The following OXCT1 variants were observed in gnomAD, a reference collection of about 807,000 sequenced individuals.
OXCT1 encodes the protein 3-oxoacid CoA-transferase 1.
A neutral mutation model predicts 69.6 loss-of-function variants in OXCT1; 27 were observed. The ratio of observed to expected loss-of-function variants is 0.39; its 90% CI spans 0.29 to 0.54. The LOEUF (loss-of-function observed/expected upper bound fraction) is 0.54. Among genes scored for constraint, OXCT1 ranks in the 20% least tolerant of loss-of-function variants. The pLI, the probability that OXCT1 is intolerant of heterozygous loss-of-function variation, is 0.72. For synonymous variants in OXCT1, 202 were observed against 217.8 expected, an observed-to-expected ratio of 0.93 and a Z score of 0.64; for missense variants, 437 against 650.2, an observed-to-expected ratio of 0.67 and a Z score of 3.57.
intron 13 of OXCT1, among the ~76,000 whole-genome samples, chr5:41,775,547 C>T (rs1339790780): frequency 2.0e-5 from 3 of 152,118 alleles, no homozygotes; most frequent in East Asian, 1.9e-4. Flanking sequence ...AGAATCCTGT[C>T]GTTCAGGGGT....
chr5:41,739,453 C>G lies in OXCT1; in HGVS notation c.1458G>C (p.Leu486=). The stretch of plus-strand genomic sequence containing the variant: ...CTGTCAGGCCTTCCCAGAGCTCAAT[C>G]AGAGTCAACCCTTTCTTCTTGTCCA... ...FDVDKKKGLT[L]IELWEGLTVD... Residue 486 remains leucine (L), a synonymous_variant, in exon 16 of 17, where the codon CTG becomes CTC. Coordinates refer to ENST00000196371, the MANE Select transcript of OXCT1 (RefSeq NM_000436.4). 6.2e-7 allele frequency: 1 copy of G among 1,613,912 alleles called. No individual in the cohort carries two copies. The highest frequency in any genetic ancestry group is 8.5e-7 in the Non-Finnish European group (1 of 1,179,768).
At chr5:41,743,485 T>G (rs1364881571) in intron 15 of OXCT1, among the ~76,000 whole-genome samples, 4 of 152,234 alleles carry the variant, frequency 2.6e-5, no homozygotes, top group African/African-American at 9.6e-5. Context: ...TTAGTTTAAT[T>G]AGATCCCATT....
At chr5:41,764,888 G>GAGCAGTATCTTTTAATAGCATTTCT (rs1319857460) in intron 13 of OXCT1, among the ~76,000 whole-genome samples, 1 of 152,158 alleles carries the variant, frequency 6.6e-6, no homozygotes, top group Non-Finnish European at 1.5e-5. Context: ...TGAAAGATAA[G>GAGCAGTATCTTTTAATAGCATTTCT]AGCAGTATCT....
intron 13 of OXCT1, among the ~76,000 whole-genome samples, chr5:41,785,784 AG>A (rs1294424937): frequency 2.0e-5 from 3 of 152,188 alleles, no homozygotes; most frequent in African/African-American, 7.2e-5. Flanking sequence ...GGAATAGCAA[AG>A]GTTTTGTATG....
At chr5:41,778,530 G>A (rs984046837) in intron 13 of OXCT1, among the ~76,000 whole-genome samples, 9 of 152,134 alleles carry the variant, frequency 5.9e-5, no homozygotes, top group African/African-American at 2.2e-4. Context: ...ATGACTCTAG[G>A]GTTTAAGGAT....
At chr5:41,864,377 C>T (rs1749869745) in intron 1 of OXCT1, among the ~76,000 whole-genome samples, 1 of 152,112 alleles carries the variant, frequency 6.6e-6, no homozygotes, top group Admixed American at 6.6e-5. Context: ...TCTTTTCTTC[C>T]CCTAAAAATA....
chr5:41,812,684 C>T (rs1220007464), intron 7 of OXCT1, among the ~76,000 whole-genome samples: 1 of 151,810 alleles, frequency 6.6e-6, no homozygotes, highest in Admixed American at 6.6e-5. Flanking sequence ...GGGCAGAAGA[C>T]AGGAAAAAAC....
At chr5:41,835,267 G>A (rs1009565277) in intron 7 of OXCT1, among the ~76,000 whole-genome samples, 1 of 152,090 alleles carries the variant, frequency 6.6e-6, no homozygotes, top group Non-Finnish European at 1.5e-5. Context: ...TATCAAGATT[G>A]AACCAGAAAG....
intron 7 of OXCT1, among the ~76,000 whole-genome samples, chr5:41,837,398 C>T (rs1748419078): frequency 6.6e-6 from 1 of 151,598 alleles, no homozygotes; most frequent in South Asian, 2.1e-4. Context: ...CTAGAACAGA[C>T]ATTCAGTCAC....
chr5:41,793,826 A>C (rs1446046465), intron 13 of OXCT1, among the ~76,000 whole-genome samples, 177 bp downstream of exon 13: 1 of 152,178 alleles, frequency 6.6e-6, no homozygotes, highest in Non-Finnish European at 1.5e-5. Context: ...ATGCACAGTA[A>C]ATTGGCAAAG....
chr5:41,795,145 A>G (rs1022238885), intron 11 of OXCT1, among the ~76,000 whole-genome samples: 2 of 152,150 alleles, frequency 1.3e-5, no homozygotes, highest in Non-Finnish European at 1.5e-5. Flanking sequence ...ATCATAAGGA[A>G]CGGGCAACCT....
chr5:41,765,037 A>G (rs1004033524), intron 13 of OXCT1, among the ~76,000 whole-genome samples: 1 of 152,160 alleles, frequency 6.6e-6, no homozygotes, highest in Non-Finnish European at 1.5e-5. Flanking sequence ...GAAACAGTCC[A>G]TTACTAAAAA....
Position 41,731,709 on chromosome 5 carries a change from C to G in OXCT1, c.*20G>C. 1 of 1,601,610 alleles carries G rather than the reference C, an allele frequency of 6.2e-7. No individual in the cohort carries two copies. The highest frequency in any genetic ancestry group is 8.5e-7 in the Non-Finnish European group (1 of 1,173,432). On this transcript the variant is annotated 3_prime_UTR_variant, in exon 17 of 17. Transcript: ENST00000196371. ...GTGTTTAAAATGAAAAACACGCAGC[C>G]TGGTACAAATATCCATATTTCAATT...
At chr5:41,826,988 T>C (rs1334509727) in intron 7 of OXCT1, among the ~76,000 whole-genome samples, 1 of 152,170 alleles carries the variant, frequency 6.6e-6, no homozygotes, top group East Asian at 1.9e-4. Flanking sequence ...ATCTAAGGCC[T>C]GGGCATGTTG....
intron 14 of OXCT1, among the ~76,000 whole-genome samples, chr5:41,761,829 C>A (rs1405331793): frequency 1.3e-5 from 2 of 152,130 alleles, no homozygotes; most frequent in Admixed American, 1.3e-4. Flanking sequence ...GATATTAAAG[C>A]TTTTACTTTT....
intron 5 of OXCT1, among the ~76,000 whole-genome samples, chr5:41,843,168 T>C (rs1407593961): frequency 2.0e-5 from 3 of 152,224 alleles, no homozygotes; most frequent in Non-Finnish European, 4.4e-5. Context: ...GTCTATGTAT[T>C]GTTTTCCTAC....
At chr5:41,786,256 G>A (rs1745639251) in intron 13 of OXCT1, among the ~76,000 whole-genome samples, 1 of 151,646 alleles carries the variant, frequency 6.6e-6, no homozygotes, top group Non-Finnish European at 1.5e-5. Context: ...CACACAGAGA[G>A]AGGAAGGGAT....
intron 14 of OXCT1, among the ~76,000 whole-genome samples, chr5:41,751,466 T>C (rs1406706469): frequency 6.6e-6 from 1 of 152,114 alleles, no homozygotes; most frequent in African/African-American, 2.4e-5. Context: ...CACTATAGCA[T>C]AGTGGTTAAG....
intron 3 of OXCT1, among the ~76,000 whole-genome samples, chr5:41,859,814 T>C (rs571879668): frequency 8.2e-5 from 12 of 145,704 alleles, no homozygotes; most frequent in African/African-American, 3.1e-4. Flanking sequence ...TTTAGAGTGA[T>C]AGACTGACCA....
Sources: allele counts gnomAD v4.1 joint callset (sites outside exome capture counted in the v4.1 genomes callset), GRCh38; gene constraint gnomAD v4.1.1; transcripts MANE v1.5; gene names NCBI Gene and HGNC (gene_info 2026-07-23, HGNC 2026-07-21).